Variants in SLC9A9 observed in about 807,000 individuals in gnomAD.
SLC9A9 encodes sodium/hydrogen exchanger 9.
A neutral mutation model predicts 77.8 loss-of-function variants in SLC9A9; 62 were observed. The ratio of observed to expected loss-of-function variants is 0.80; its 90% CI spans 0.65 to 0.98. The LOEUF (loss-of-function observed/expected upper bound fraction) is 0.98. Among genes scored for constraint, SLC9A9 ranks in the 50% least tolerant of loss-of-function variants. SLC9A9 has a pLI of 0.00. For missense variants in SLC9A9, 775 were observed against 774.9 expected, an observed-to-expected ratio of 1.00 and a Z score of 0.00; for synonymous variants, 320 against 283.5, an observed-to-expected ratio of 1.13 and a Z score of -1.29.
intron 6 of SLC9A9, chr3:143,627,625 T>A (rs894008333): frequency 1.3e-5 from 4 of 305,608 alleles, no homozygotes; most frequent in Non-Finnish European, 1.9e-5. Context: ...GAGCCAAAGA[T>A]CCCAAAGGAC....
intron 1 of SLC9A9, among the ~76,000 whole-genome samples, chr3:143,836,847 C>T (rs2009581148): frequency 6.6e-6 from 1 of 152,124 alleles, no homozygotes. Flanking sequence ...TATGATTTTG[C>T]CCTTAAAATA....
chr3:143,304,359 T>C (rs1184962941), intron 14 of SLC9A9, among the ~76,000 whole-genome samples: 1 of 152,350 alleles, frequency 6.6e-6, no homozygotes, highest in East Asian at 1.9e-4. Flanking sequence ...AGGAGGCGCA[T>C]ATGTTTGACT....
chr3:143,831,967 T>G, intron 2 of SLC9A9, 52 bp downstream of exon 2: 1 of 1,502,220 alleles, frequency 6.7e-7, no homozygotes, highest in Non-Finnish European at 9.1e-7. Context: ...TCAAATATGA[T>G]ACAATTATTT....
intron 12 of SLC9A9, among the ~76,000 whole-genome samples, chr3:143,461,813 A>G (rs1010828773): frequency 1.3e-5 from 2 of 152,202 alleles, no homozygotes; most frequent in African/African-American, 4.8e-5. Context: ...ACTTAATTAT[A>G]TATATTCCTC....
intron 9 of SLC9A9, among the ~76,000 whole-genome samples, chr3:143,542,462 T>C (rs2036705407): frequency 6.6e-6 from 1 of 152,194 alleles, no homozygotes; most frequent in African/African-American, 2.4e-5. Flanking sequence ...CCACTGTGCC[T>C]TGGAACAGGT....
intron 11 of SLC9A9, among the ~76,000 whole-genome samples, chr3:143,469,358 A>G (rs1283184355): frequency 6.6e-6 from 1 of 152,234 alleles, no homozygotes; most frequent in Non-Finnish European, 1.5e-5. Flanking sequence ...ATATTGTGCA[A>G]TAGGACAAAT....
chr3:143,702,767 T>C (rs1933840281), intron 4 of SLC9A9, among the ~76,000 whole-genome samples: 2 of 150,422 alleles, frequency 1.3e-5, no homozygotes, highest in African/African-American at 4.9e-5. Flanking sequence ...AGACATAGAG[T>C]GGCTGAATGG....
intron 4 of SLC9A9, among the ~76,000 whole-genome samples, chr3:143,774,704 A>AT (rs111997948): frequency 0.47 from 66,889 of 143,688 alleles, 15,937 homozygotes; most frequent in African/African-American, 0.66. Context: ...GTTGAACTAT[A>AT]CATTGTAATA....
chr3:143,464,652 A>T (rs1156509981), intron 12 of SLC9A9, among the ~76,000 whole-genome samples: 1 of 152,176 alleles, frequency 6.6e-6, no homozygotes, highest in South Asian at 2.1e-4. Context: ...TAAACCAGCG[A>T]TTCTCAAAAT....
chr3:143,266,051 C>A lies in SLC9A9; in HGVS notation c.*651G>T. The A allele has an allele frequency of 1.4e-6, 1 of 702,236 alleles. No individual in the cohort carries two copies. The highest frequency in any genetic ancestry group is 2.6e-6 in the Non-Finnish European group (1 of 384,756). 43.5% of individuals were successfully genotyped at this position (702,236 alleles called of 1,614,324 possible). On this transcript the variant is annotated 3_prime_UTR_variant, in exon 16 of 16. Transcript: ENST00000316549. ...GTGCTGCATTTAGGGCAGGGCACAC[C>A]CAGCCATAGGCAACCCCTTTGAGCG...
At chr3:143,291,080 A>G (rs1250186386) in intron 14 of SLC9A9, among the ~76,000 whole-genome samples, 2 of 152,148 alleles carry the variant, frequency 1.3e-5, no homozygotes, top group Non-Finnish European at 2.9e-5. Context: ...AAGCCACGCA[A>G]CTCTGCCAGG....
At chr3:143,537,350 G>A (rs1030595821) in intron 9 of SLC9A9, among the ~76,000 whole-genome samples, 2 of 152,212 alleles carry the variant, frequency 1.3e-5, no homozygotes, top group African/African-American at 4.8e-5. Context: ...GGAGGGAGCT[G>A]GGTGGCATGT....
At chr3:143,669,486 C>T (rs896983045) in intron 5 of SLC9A9, among the ~76,000 whole-genome samples, 1 of 152,190 alleles carries the variant, frequency 6.6e-6, no homozygotes, top group Non-Finnish European at 1.5e-5. Flanking sequence ...ATTTCATCTT[C>T]AGAACACCTG....
At chr3:143,438,423 C>T (rs1559915909) in intron 12 of SLC9A9, among the ~76,000 whole-genome samples, 2 of 151,656 alleles carry the variant, frequency 1.3e-5, no homozygotes, top group African/African-American at 4.8e-5. Context: ...ATCTCCCTGG[C>T]GTGTGTGTGT....
intron 2 of SLC9A9, among the ~76,000 whole-genome samples, chr3:143,818,807 C>A (rs560677715): frequency 5.9e-5 from 9 of 152,090 alleles, no homozygotes; most frequent in African/African-American, 2.2e-4. Context: ...ATCGGCCAGG[C>A]GCGGTGGCTC....
At chr3:143,829,600 A>G (rs1411741137) in intron 2 of SLC9A9, among the ~76,000 whole-genome samples, 1 of 152,234 alleles carries the variant, frequency 6.6e-6, no homozygotes, top group African/African-American at 2.4e-5. Context: ...ATATACAAGT[A>G]TCCATTATAC....
intron 5 of SLC9A9, among the ~76,000 whole-genome samples, chr3:143,660,601 G>T (rs1457973546): frequency 6.6e-6 from 1 of 152,170 alleles, no homozygotes; most frequent in Non-Finnish European, 1.5e-5. Context: ...ATATGTTTGT[G>T]CTGTCTTAAT....
At chr3:143,527,581 A>G (rs1207384613) in intron 9 of SLC9A9, among the ~76,000 whole-genome samples, 1 of 152,218 alleles carries the variant, frequency 6.6e-6, no homozygotes, top group Non-Finnish European at 1.5e-5. Flanking sequence ...GCTTCAGTCC[A>G]TCTTATATTT....
In SLC9A9 at chr3:143,619,368, T is replaced by G. The variant is rs149020205; in HGVS notation, c.755+32887A>C. The stretch of plus-strand genomic sequence containing the variant: ...AGCATTTCCAAACACTAACTAATAC[T>G]TAGAAAAAAGGAAGCTTACGCAAAG... On this transcript the variant is annotated intron_variant, in intron 6 of 15. Coordinates refer to ENST00000316549, the MANE Select transcript of SLC9A9 (RefSeq NM_173653.4). Among the ~76,000 whole-genome samples, 676 of 152,266 alleles carry G rather than the reference T, an allele frequency of 4.4e-3. 17 individuals carry two copies. The highest frequency in any genetic ancestry group is 1.6e-3 in the Non-Finnish European group (111 of 68,026).
Sources: gnomAD v4.1 joint callset for allele counts (sites outside exome capture counted in the v4.1 genomes callset) on GRCh38, gnomAD v4.1.1 for gene constraint, MANE v1.5 for transcripts, NCBI Gene and HGNC (gene_info 2026-07-23, HGNC 2026-07-21) for gene names.